PDE10A: variants seen among roughly 807,000 people sequenced by gnomAD.
PDE10A encodes the protein cAMP and cAMP-inhibited cGMP 3',5'-cyclic phosphodiesterase 10A.
A neutral mutation model predicts 97.7 loss-of-function variants in PDE10A; 39 were observed. The ratio of observed to expected loss-of-function variants is 0.40; its 90% CI spans 0.31 to 0.52. PDE10A has a LOEUF of 0.52. Ranked by LOEUF, PDE10A falls within the 20% of genes least tolerant of loss-of-function variation. The probability of loss-of-function intolerance (pLI) is 0.56; values close to 1 mark genes in which losing one functional copy is unlikely to be tolerated. For missense variants in PDE10A, 731 were observed against 1,047.8 expected, an observed-to-expected ratio of 0.70 and a Z score of 4.17; for synonymous variants, 371 against 376.8, an observed-to-expected ratio of 0.98 and a Z score of 0.18.
chr6:165,887,652 T>G (rs78246515), intron 1 of PDE10A, among the ~76,000 whole-genome samples: 6,196 of 152,298 alleles, frequency 0.041, 435 homozygotes, highest in African/African-American at 0.14. Context: ...TCTTGCATTC[T>G]GAACTCATAT....
chr6:165,969,378 C>G (rs1784605112), intron 1 of PDE10A, among the ~76,000 whole-genome samples: 1 of 152,018 alleles, frequency 6.6e-6, no homozygotes, highest in African/African-American at 2.4e-5. Context: ...GAGGGCGTGG[C>G]AGCGGTTATG....
chr6:165,778,260 C>T (rs1458983377), intron 1 of PDE10A, among the ~76,000 whole-genome samples: 1 of 151,962 alleles, frequency 6.6e-6, no homozygotes, highest in African/African-American at 2.4e-5. Flanking sequence ...TTAGTAGAGA[C>T]GGGGTTTCAC....
chr6:165,934,532 A>G (rs558885369), intron 1 of PDE10A, among the ~76,000 whole-genome samples: 88 of 152,192 alleles, frequency 5.8e-4, no homozygotes, highest in Non-Finnish European at 1.0e-3. Flanking sequence ...CCTCAGCCCC[A>G]TTAAAAAAAT....
chr6:165,351,841 A>G (rs1418522452), intron 18 of PDE10A, among the ~76,000 whole-genome samples: 1 of 152,200 alleles, frequency 6.6e-6, no homozygotes, highest in Non-Finnish European at 1.5e-5. Flanking sequence ...TAAAATAAAT[A>G]ATGAAAATAT....
intron 1 of PDE10A, among the ~76,000 whole-genome samples, chr6:165,895,815 C>A (rs774023440): frequency 4.6e-5 from 7 of 152,154 alleles, no homozygotes; most frequent in Non-Finnish European, 8.8e-5. Context: ...TCATTCCGGG[C>A]TCCCCAGTCC....
chr6:165,903,220 A>G (rs909696807), intron 1 of PDE10A, among the ~76,000 whole-genome samples: 3 of 152,184 alleles, frequency 2.0e-5, no homozygotes, highest in Admixed American at 2.0e-4. Context: ...TTGGGAGCTC[A>G]TTGGAAAATA....
chr6:165,700,199 A>C (rs1378064429), intron 1 of PDE10A, among the ~76,000 whole-genome samples: 1 of 152,202 alleles, frequency 6.6e-6, no homozygotes, highest in South Asian at 2.1e-4. Context: ...AACCAGTCAC[A>C]AGAGACCACA....
chr6:165,678,768 GA>G (rs34910756), intron 1 of PDE10A, among the ~76,000 whole-genome samples: 1 of 151,986 alleles, frequency 6.6e-6, no homozygotes, highest in Non-Finnish European at 1.5e-5. Context: ...TACCAAAAAA[GA>G]AAAAAATATC....
At chr6:165,760,950 T>C (rs1793234607) in intron 1 of PDE10A, among the ~76,000 whole-genome samples, 1 of 152,094 alleles carries the variant, frequency 6.6e-6, no homozygotes, top group South Asian at 2.1e-4. Flanking sequence ...GAAGGTAATA[T>C]GAAACTGACA....
At chr6:165,685,848 T>C (rs1791099513) in intron 1 of PDE10A, among the ~76,000 whole-genome samples, 1 of 152,232 alleles carries the variant, frequency 6.6e-6, no homozygotes, top group Non-Finnish European at 1.5e-5. Flanking sequence ...TGAACACTCT[T>C]ACATTTTGAT....
intron 2 of PDE10A, among the ~76,000 whole-genome samples, chr6:165,536,333 A>G (rs542545632): frequency 2.6e-5 from 4 of 152,102 alleles, no homozygotes; most frequent in Admixed American, 1.3e-4. Context: ...ATACTTAAAC[A>G]TAAGACCTAA....
intron 1 of PDE10A, among the ~76,000 whole-genome samples, chr6:165,807,209 A>G (rs1303933089): frequency 6.6e-6 from 1 of 152,242 alleles, no homozygotes; most frequent in African/African-American, 2.4e-5. Flanking sequence ...AATACTCCAC[A>G]GTATTCATAA....
At chr6:165,788,536 A>AAAAG (rs1210174310) in intron 1 of PDE10A, among the ~76,000 whole-genome samples, 6 of 147,386 alleles carry the variant, frequency 4.1e-5, no homozygotes, top group African/African-American at 1.2e-4. Flanking sequence ...AAAAAAAAAA[A>AAAAG]AAAGAAAAGA....
At chr6:165,483,416 A>G (rs1779717054) in intron 2 of PDE10A, among the ~76,000 whole-genome samples, 1 of 152,304 alleles carries the variant, frequency 6.6e-6, no homozygotes, top group African/African-American at 2.4e-5. Context: ...ACGGCCTCTG[A>G]CTTCCCTAAG....
intron 1 of PDE10A, among the ~76,000 whole-genome samples, chr6:165,856,454 A>G (rs1042101937): frequency 2.0e-5 from 3 of 152,090 alleles, no homozygotes; most frequent in African/African-American, 7.2e-5. Flanking sequence ...GAAGCTTTAC[A>G]CTTGGCCTGG....
chr6:165,527,888 T>G (rs1782545038), intron 2 of PDE10A, among the ~76,000 whole-genome samples: 1 of 152,196 alleles, frequency 6.6e-6, no homozygotes, highest in Non-Finnish European at 1.5e-5. Flanking sequence ...GGCTAGGACC[T>G]GGTTCACAGA....
intron 1 of PDE10A, chr6:165,718,148 T>C (rs1221523424): frequency 6.6e-6 from 1 of 152,228 alleles, no homozygotes; most frequent in African/African-American, 2.4e-5. Flanking sequence ...TTTGATATCA[T>C]ATCAAATTCC....
intron 20 of PDE10A, among the ~76,000 whole-genome samples, chr6:165,338,372 A>C (rs1471428534): frequency 6.6e-6 from 1 of 152,236 alleles, no homozygotes; most frequent in Non-Finnish European, 1.5e-5. Context: ...TTATTTGCCC[A>C]CAACTAACTT....
chr6:165,958,498 CAA>C (rs1784214450), intron 1 of PDE10A, among the ~76,000 whole-genome samples: 1 of 57,718 alleles, frequency 1.7e-5, no homozygotes, highest in African/African-American at 6.2e-5. Context: ...GAGAGAAAGA[CAA>C]GAAAGAAAGA....
Sources: gnomAD v4.1 joint callset for allele counts (sites outside exome capture counted in the v4.1 genomes callset) on GRCh38, gnomAD v4.1.1 for gene constraint, MANE v1.5 for transcripts, NCBI Gene and HGNC (gene_info 2026-07-23, HGNC 2026-07-21) for gene names.